PCDH15: variants seen among roughly 807,000 people sequenced by gnomAD.
PCDH15 encodes protocadherin related 15.
PCDH15 carries 129 observed loss-of-function variants against 178.5 expected under a neutral mutation model. The observed-to-expected ratio is 0.72, with a 90% CI of 0.63 to 0.84. The LOEUF (loss-of-function observed/expected upper bound fraction) is 0.84, where lower values mean the gene tolerates loss of function less well. Ranked by LOEUF, PCDH15 falls within the 40% of genes least tolerant of loss-of-function variation. The pLI is 0.00. For missense variants in PCDH15, 2,230 were observed against 2,099.9 expected, an observed-to-expected ratio of 1.06 and a Z score of -1.21; for synonymous variants, 800 against 732.0, an observed-to-expected ratio of 1.09 and a Z score of -1.50.
intron 18 of PCDH15, among the ~76,000 whole-genome samples, chr10:54,053,018 A>G (rs2093811493): frequency 6.6e-6 from 1 of 152,190 alleles, no homozygotes; most frequent in Non-Finnish European, 1.5e-5. Context: ...GAGGCCTTCC[A>G]AACTATGTGG....
chr10:55,535,003 A>AT (rs1841539099), intron 2 of PCDH15, among the ~76,000 whole-genome samples: 1 of 152,076 alleles, frequency 6.6e-6, no homozygotes, highest in South Asian at 2.1e-4. Context: ...GGAGCTAAAC[A>AT]TTGAGCACAC....
At chr10:54,170,502 C>G (rs1311579987) in intron 13 of PCDH15, among the ~76,000 whole-genome samples, 1 of 151,694 alleles carries the variant, frequency 6.6e-6, no homozygotes, top group Admixed American at 6.6e-5. Flanking sequence ...AACCTATTTT[C>G]TTCCTCATAC....
intron 2 of PCDH15, among the ~76,000 whole-genome samples, chr10:55,389,816 CA>C (rs1366783542): frequency 4.0e-5 from 6 of 151,892 alleles, no homozygotes; most frequent in Admixed American, 1.3e-4. Flanking sequence ...TATTAAATAC[CA>C]AAAAATGCCA....
At chr10:53,828,350 T>A (rs956948344) in intron 31 of PCDH15, among the ~76,000 whole-genome samples, 2 of 152,006 alleles carry the variant, frequency 1.3e-5, no homozygotes, top group Non-Finnish European at 2.9e-5. Flanking sequence ...GGATGGAAGC[T>A]ATAGGCAAAC....
At chr10:55,263,457 T>C (rs1222495194) in intron 1 of PCDH15, among the ~76,000 whole-genome samples, 1 of 152,142 alleles carries the variant, frequency 6.6e-6, no homozygotes, top group Non-Finnish European at 1.5e-5. Context: ...GCATCTCACC[T>C]TTCCCTTTCC....
Position 54,703,262 on chromosome 10 carries a change from G to A in PCDH15, c.-28-38972C>T, listed in dbSNP as rs189743393. Among the ~76,000 whole-genome samples the A allele has an allele frequency of 2.8e-4, 43 of 151,998 alleles. No homozygotes were observed. In the East Asian group the frequency reaches 4.5e-3, roughly 16 times the overall value. On this transcript the variant is annotated intron_variant, in intron 1 of 37. Coordinates refer to ENST00000644397, the MANE Select transcript of PCDH15 (RefSeq NM_001384140.1). ...AAGAGCCGTCTATGACAAACCCACC[G>A]GAAATATCATACTGAATGAGCAAAA...
At chr10:53,860,724 CAA>C (rs11345773) in intron 27 of PCDH15, among the ~76,000 whole-genome samples, 3,123 of 78,190 alleles carry the variant, frequency 0.04, 77 homozygotes, top group African/African-American at 0.15. Context: ...GACTCTGTCT[CAA>C]AAAAAAAAAA....
At chr10:54,860,269 G>A (rs1244387395) in intron 3 of PCDH15, among the ~76,000 whole-genome samples, 1 of 152,124 alleles carries the variant, frequency 6.6e-6, no homozygotes, top group Non-Finnish European at 1.5e-5. Context: ...ATAATACACA[G>A]TAGGTAGTTT....
chr10:54,584,673 C>T (rs896196142), intron 2 of PCDH15, among the ~76,000 whole-genome samples: 2 of 151,968 alleles, frequency 1.3e-5, no homozygotes, highest in African/African-American at 2.4e-5. Flanking sequence ...CCTATGATAT[C>T]CTCCTTGTAA....
intron 3 of PCDH15, among the ~76,000 whole-genome samples, chr10:54,509,919 G>A (rs191588523): frequency 1.4e-4 from 21 of 152,224 alleles, no homozygotes; most frequent in Admixed American, 9.2e-4. Flanking sequence ...TCCACATGCC[G>A]ATCATGCACT....
At chr10:54,732,673 T>A (rs1943572515) in intron 1 of PCDH15, among the ~76,000 whole-genome samples, 1 of 151,640 alleles carries the variant, frequency 6.6e-6, no homozygotes, top group Non-Finnish European at 1.5e-5. Flanking sequence ...AAGTAACAAC[T>A]CTCACCTGAT....
intron 1 of PCDH15, among the ~76,000 whole-genome samples, chr10:54,795,538 T>G (rs1327569597): frequency 6.6e-6 from 1 of 151,926 alleles, no homozygotes; most frequent in Non-Finnish European, 1.5e-5. Context: ...CTATGGAAAC[T>G]AATATTCAGA....
At chr10:54,122,642 A>G (rs1156802968) in intron 15 of PCDH15, among the ~76,000 whole-genome samples, 2 of 152,144 alleles carry the variant, frequency 1.3e-5, no homozygotes, top group African/African-American at 4.8e-5. Flanking sequence ...TTTTATACCT[A>G]GAAAACCCTA....
chr10:54,464,329 A>G (rs2077383702), intron 3 of PCDH15, among the ~76,000 whole-genome samples: 1 of 152,172 alleles, frequency 6.6e-6, no homozygotes, highest in African/African-American at 2.4e-5. Flanking sequence ...TAAGTTTTCA[A>G]AAAGTTCGAA....
At chr10:55,121,307 C>T (rs1208630912) in intron 2 of PCDH15, among the ~76,000 whole-genome samples, 1 of 151,998 alleles carries the variant, frequency 6.6e-6, no homozygotes, top group Non-Finnish European at 1.5e-5. Context: ...GAATGTCTAT[C>T]CCATAATATT....
chr10:55,538,985 TTCCTTCCTCCTTTCCTTCCC>T (rs1564442970), intron 2 of PCDH15, among the ~76,000 whole-genome samples: 2 of 117,088 alleles, frequency 1.7e-5, no homozygotes, highest in African/African-American at 3.3e-5. Flanking sequence ...CTTTCCTTCC[TTCCTTCCTCCTTTCCTTCCC>T]TCCTCCTTTC....
intron 2 of PCDH15, among the ~76,000 whole-genome samples, chr10:55,499,449 A>ACC (rs1565199150): frequency 6.8e-6 from 1 of 147,712 alleles, no homozygotes; most frequent in East Asian, 2.1e-4. Context: ...ACACACACAC[A>ACC]CACAAATAAT....
intron 1 of PCDH15, among the ~76,000 whole-genome samples, chr10:55,294,472 C>T (rs894754912): frequency 2.0e-5 from 3 of 152,102 alleles, no homozygotes; most frequent in African/African-American, 7.2e-5. Flanking sequence ...GGGAGATGTT[C>T]TGAAGTAAAT....
At chr10:54,609,541 G>A (rs375170175) in intron 2 of PCDH15, among the ~76,000 whole-genome samples, 3 of 151,948 alleles carry the variant, frequency 2.0e-5, no homozygotes, top group African/African-American at 7.2e-5. Flanking sequence ...GTGCTTCAAT[G>A]AAGAATAATC....
Sources: gnomAD v4.1 joint callset for allele counts (sites outside exome capture counted in the v4.1 genomes callset) on GRCh38, gnomAD v4.1.1 for gene constraint, MANE v1.5 for transcripts, NCBI Gene and HGNC (gene_info 2026-07-23, HGNC 2026-07-21) for gene names.